Variants in KLHL13 observed in about 807,000 individuals in gnomAD.
KLHL13 encodes the protein kelch-like protein 13.
Under a neutral mutation model 37.1 loss-of-function variants are expected in KLHL13, and 10 were observed. That is an observed-to-expected ratio of 0.27 (90% CI 0.17 to 0.46). The LOEUF is 0.46. KLHL13 is among the 20% of genes least tolerant of loss of function. The probability of loss-of-function intolerance (pLI) is 1.00; values close to 1 mark genes in which losing one functional copy is unlikely to be tolerated. For synonymous variants in KLHL13, 163 were observed against 181.2 expected (o/e 0.90, Z 0.81); for missense variants, 360 against 509.3 (o/e 0.71, Z 2.82).
At chrX:117,901,241 C>CT (rs1930070142) in intron 6 of KLHL13, among the ~76,000 whole-genome samples, 1 of 111,216 alleles carries the variant, frequency 9.0e-6, no homozygotes, top group Admixed American at 9.6e-5. Context: ...TGATACACTC[C>CT]TTCACATAGT....
chrX:118,019,211 C>A (rs1319996398), intron 1 of KLHL13, among the ~76,000 whole-genome samples: 1 of 111,606 alleles, frequency 9.0e-6, no homozygotes, highest in Non-Finnish European at 1.9e-5. Context: ...CCCATTTCTT[C>A]CCACTCCTGC....
intron 2 of KLHL13, among the ~76,000 whole-genome samples, chrX:117,936,531 A>G (rs758838572): frequency 5.4e-5 from 6 of 111,563 alleles, no homozygotes; most frequent in Admixed American, 9.5e-5. Context: ...TTCATTAACT[A>G]TTTTCTGTTT....
At position 117,964,167 on chromosome X, in the gene KLHL13, A is replaced by G. The variant is rs928035028; in HGVS notation, c.98+8564T>C. 6.8e-5 allele frequency among the ~76,000 whole-genome samples: 7 copies of G among 102,570 alleles called. No homozygotes were observed. The South Asian group carries it at 3.2e-3, about 46-fold the overall frequency. 89.1% of individuals were successfully genotyped at this position (102,570 alleles called of 115,157 possible). ...TGTAACTAACCTGCACAATGTGCAC[A>G]TGTACCCTAAAACTTAGAGTATAAT... On this transcript the variant is annotated intron_variant, in intron 1 of 6. Coordinates refer to ENST00000262820, the Ensembl canonical transcript of KLHL13.
chrX:118,077,003 A>G (rs1467562334), intron 1 of KLHL13, among the ~76,000 whole-genome samples: 1 of 109,635 alleles, frequency 9.1e-6, no homozygotes, highest in Non-Finnish European at 1.9e-5. Context: ...ACCCCGACTA[A>G]CACAGGGAGA....
intron 1 of KLHL13, among the ~76,000 whole-genome samples, chrX:118,021,874 T>C (rs2054219546): frequency 8.9e-6 from 1 of 111,758 alleles, no homozygotes; most frequent in Non-Finnish European, 1.9e-5. Context: ...AGTGTTCCTA[T>C]TTCTCCACAT....
intron 1 of KLHL13, among the ~76,000 whole-genome samples, chrX:118,018,719 A>G (rs1295753996): frequency 9.0e-6 from 1 of 111,656 alleles, no homozygotes; most frequent in East Asian, 2.8e-4. Context: ...TTCATAATAT[A>G]AATCCTAGAC....
At chrX:118,071,348 G>C (rs1220258915) in intron 1 of KLHL13, among the ~76,000 whole-genome samples, 1 of 111,142 alleles carries the variant, frequency 9.0e-6, no homozygotes, top group African/African-American at 3.3e-5. Flanking sequence ...TTCCACAATG[G>C]TTGAACTAGT....
At chrX:118,111,025 T>C (rs1310348848) in intron 1 of KLHL13, among the ~76,000 whole-genome samples, 1 of 112,259 alleles carries the variant, frequency 8.9e-6, no homozygotes, top group Non-Finnish European at 1.9e-5. Flanking sequence ...TATATTTACA[T>C]GGTAACTATT....
At position 117,923,001 on chromosome X, in the gene KLHL13, A is replaced by G. The variant is rs1027256565; in HGVS notation, c.241-2631T>C. Among the ~76,000 whole-genome samples, 4 of 112,054 alleles carry G rather than the reference A, an allele frequency of 3.6e-5. No homozygotes were observed. The East Asian group carries it at 1.1e-3, about 31-fold the overall frequency. On this transcript the variant is annotated intron_variant, in intron 2 of 6. Transcript: ENST00000262820. ...TGCATTTTAAAATTCACTTGAGCAG[A>G]TAACACAGATAGTCTTCTATCTCAG... is the stretch of plus-strand genomic sequence containing the variant.
intron 1 of KLHL13, among the ~76,000 whole-genome samples, chrX:117,963,051 T>TG (rs1159129902): frequency 8.9e-6 from 1 of 112,239 alleles, no homozygotes; most frequent in Non-Finnish European, 1.9e-5. Flanking sequence ...GAATATCTGT[T>TG]ATACATGCTA....
intron 1 of KLHL13, among the ~76,000 whole-genome samples, chrX:118,095,795 G>C (rs890044720): frequency 1.8e-5 from 2 of 111,887 alleles, no homozygotes; most frequent in African/African-American, 6.5e-5. Flanking sequence ...ATTACTACTG[G>C]GTACATAATG....
chrX:118,105,122 T>C (rs1446377715), intron 1 of KLHL13, among the ~76,000 whole-genome samples: 2 of 112,592 alleles, frequency 1.8e-5, no homozygotes, highest in African/African-American at 6.4e-5. Context: ...GCTTTGAGCA[T>C]TGAAATATTC....
exon 1 of KLHL13, chrX:117,973,090 G>T: frequency 1.0e-6 from 1 of 995,384 alleles, no homozygotes; most frequent in African/African-American, 1.9e-5. Context: ...GTTGACTGCA[G>T]TATATTTTTT....
chrX:117,986,276 C>G (rs953173432), intron 1 of KLHL13, among the ~76,000 whole-genome samples: 9 of 111,695 alleles, frequency 8.1e-5, no homozygotes, highest in African/African-American at 2.9e-4. Context: ...GAAGAAATAG[C>G]CTGTGCAAAG....
At chrX:118,004,260 A>G (rs1165876922) in intron 1 of KLHL13, among the ~76,000 whole-genome samples, 1 of 112,013 alleles carries the variant, frequency 8.9e-6, no homozygotes, top group Non-Finnish European at 1.9e-5. Context: ...ATAAATGTGT[A>G]TATGTATTTA....
chrX:118,070,947 C>G (rs1376429799), intron 1 of KLHL13, among the ~76,000 whole-genome samples: 1 of 106,764 alleles, frequency 9.4e-6, no homozygotes, highest in African/African-American at 3.4e-5. Context: ...TGATGTTCCC[C>G]TTCCTGTGTC....
At chrX:118,050,865 G>C (rs918567834) in intron 1 of KLHL13, among the ~76,000 whole-genome samples, 1 of 112,086 alleles carries the variant, frequency 8.9e-6, no homozygotes, top group African/African-American at 3.2e-5. Flanking sequence ...GCATACATCA[G>C]AGTTTGGAGA....
intron 2 of KLHL13, among the ~76,000 whole-genome samples, chrX:117,941,079 T>G (rs979819322): frequency 1.8e-5 from 2 of 111,737 alleles, no homozygotes; most frequent in Non-Finnish European, 3.8e-5. Context: ...TGGCTGTGGG[T>G]TTGTCATAAA....
At chrX:117,960,061 A>G (rs2053267283) in intron 1 of KLHL13, among the ~76,000 whole-genome samples, 1 of 110,789 alleles carries the variant, frequency 9.0e-6, no homozygotes, top group Non-Finnish European at 1.9e-5. Context: ...CAATATTTTC[A>G]ATCTAAACCT....
Sources: allele counts gnomAD v4.1 joint callset (sites outside exome capture counted in the v4.1 genomes callset), GRCh38; gene constraint gnomAD v4.1.1; transcripts MANE v1.5; gene names NCBI Gene and HGNC (gene_info 2026-07-23, HGNC 2026-07-21).